The following CRAMP1 variants were observed in gnomAD, a reference collection of about 807,000 sequenced individuals.
The protein encoded by CRAMP1 is cramped chromatin regulator 1, also known as protein cramped-like.
Under a neutral mutation model 115.4 loss-of-function variants are expected in CRAMP1, and 50 were observed. The observed-to-expected ratio is 0.43, with a 90% CI of 0.35 to 0.55. The LOEUF (loss-of-function observed/expected upper bound fraction) is 0.55. Among genes scored for constraint, CRAMP1 ranks in the 20% least tolerant of loss-of-function variants. The pLI is 0.01. For missense variants in CRAMP1, 1,679 were observed against 1,721.7 expected (o/e 0.98, Z 0.44); for synonymous variants, 866 against 745.4 (o/e 1.16, Z -2.64).
Position 1,665,120 on chromosome 16 carries a change from T to TC in CRAMP1, c.2735dup (p.Asn913Ter). The TC allele has an allele frequency of 6.2e-7, 1 of 1,611,838 alleles. No individual in the cohort carries two copies. Among genetic ancestry groups the TC allele is most frequent in the Non-Finnish European group, 8.5e-7 (1 of 1,177,904 alleles). The stretch of plus-strand genomic sequence containing the variant: ...CAACGTTTGTTCCTTCTCCATCCTG[T>TC]CTAACTCTTCCGTAACTGGTAAGGA... On this transcript the variant is annotated frameshift_variant, in exon 14 of 21. Transcript: ENST00000397412. LOFTEE classifies it high-confidence loss of function.
Position 1,656,665 on chromosome 16 carries a change from T to C in CRAMP1, c.1908T>C (p.Pro636=), listed in dbSNP as rs1212144965. Residue 636 remains proline (P), a synonymous_variant, in exon 10 of 21, where the codon CCT becomes CCC. Coordinates refer to ENST00000397412, the MANE Select transcript of CRAMP1 (RefSeq NM_020825.4). The surrounding 1 kb of genome is among the most constrained non-coding windows in gnomAD (Gnocchi z 5.6). Reference sequence around the variant, plus strand: ...GCACTAAAGACTTGGCAGATGCACCTGCGGAGGAGCTCCAGGAGAAGGGGA... The same window carrying C: ...GCACTAAAGACTTGGCAGATGCACCCGCGGAGGAGCTCCAGGAGAAGGGGA... ...DVCTKDLADA[P]AEELQEKGSP... The C allele has an allele frequency of 3.2e-6, 5 of 1,573,650 alleles. No homozygotes were observed. The highest frequency in any genetic ancestry group is 4.3e-6 in the Non-Finnish European group (5 of 1,160,840).
rs2036403100 is a variant in CRAMP1, at chr16:1,614,822, G to A, written c.183G>A (p.Ala61=). The A allele has an allele frequency of 1.6e-6, 2 of 1,267,490 alleles. No homozygotes were observed. Among genetic ancestry groups the A allele is most frequent in the East Asian group, 3.1e-5 (1 of 31,808 alleles). The allele number at this position is 1,267,490 out of a possible 1,614,324, so 78.5% of individuals were successfully genotyped here. ...GGGCCGGCGCCGACGGCCCCCCCGC[G>A]CCCCCCGGCGCGCCGCAGGCGCCGT... ...TPRAGADGPP[A]PPGAPQAPSP... The change falls in exon 2 of 21, where the codon GCG becomes GCA. Residue 61 remains alanine (A), a synonymous_variant. Coordinates refer to ENST00000397412, the MANE Select transcript of CRAMP1 (RefSeq NM_020825.4). The surrounding 1 kb of genome is among the most constrained non-coding windows in gnomAD (Gnocchi z 4.4).
intron 4 of CRAMP1, among the ~76,000 whole-genome samples, chr16:1,636,339 C>G (rs2036588501): frequency 6.6e-6 from 1 of 151,870 alleles, no homozygotes; most frequent in Non-Finnish European, 1.5e-5. Flanking sequence ...TCACCGCACT[C>G]CAGCCTGGGC....
At position 1,677,194 on chromosome 16, in the gene CRAMP1, G is replaced by A. The variant is rs1383482982; in HGVS notation, c.*3149G>A. The A allele has an allele frequency of 1.3e-5, 2 of 152,576 alleles. No homozygotes were observed. The highest frequency in any genetic ancestry group is 2.1e-4 in the South Asian group (1 of 4,836). 9.5% of individuals were successfully genotyped at this position (152,576 alleles called of 1,614,324 possible). On this transcript the variant is annotated 3_prime_UTR_variant, in exon 21 of 21. Coordinates refer to ENST00000397412, the MANE Select transcript of CRAMP1 (RefSeq NM_020825.4). The stretch of plus-strand genomic sequence containing the variant: ...GCAGTGGCTCACGCCTGTAATCCCA[G>A]CACTTTGGGAGGCCGAGGCGGGCGG...
Position 1,653,888 on chromosome 16 carries a change from T to G in CRAMP1, c.1037+732T>G, listed in dbSNP as rs1596492922. ...TGGGTGTGGAGGCTCACGCCTGTAA[T>G]CCCAGCACTTTGGGAGGCCAAGGCA... On this transcript the variant is annotated intron_variant, in intron 8 of 20. Coordinates refer to ENST00000397412, the MANE Select transcript of CRAMP1 (RefSeq NM_020825.4). Among the ~76,000 whole-genome samples the G allele has an allele frequency of 2.7e-5, 4 of 150,128 alleles. No individual in the cohort carries two copies. In the South Asian group the frequency reaches 6.4e-4, roughly 24 times the overall value.
At position 1,656,544 on chromosome 16, in the gene CRAMP1, C is replaced by T. The variant is rs545390375; in HGVS notation, c.1787C>T (p.Ser596Phe). 5.1e-6 allele frequency: 8 copies of T among 1,557,640 alleles called. No homozygotes were observed. The Admixed American group carries it at 7.7e-5, about 15-fold the overall frequency. The part of the protein sequence containing the change: ...SEQPPLGGAA[S>F]PEVLAPVSKE... ...CAGCCCCCTCTGGGCGGGGCGGCCT[C>T]CCCAGAGGTGCTGGCTCCTGTCAGC... The change falls in exon 10 of 21, where the codon TCC (serine) becomes TTC (phenylalanine). Residue 596 changes from serine to phenylalanine, a missense_variant. Coordinates refer to ENST00000397412, the MANE Select transcript of CRAMP1 (RefSeq NM_020825.4). This position sits in a 1 kb window ranked among gnomAD's most constrained non-coding sequence, Gnocchi z 5.6.
At chr16:1,616,533 A>G (rs903778837) in intron 2 of CRAMP1, among the ~76,000 whole-genome samples, 2 of 152,176 alleles carry the variant, frequency 1.3e-5, no homozygotes, top group Admixed American at 1.3e-4. Context: ...GTATAAGTGA[A>G]GTGCTGCTGA....
At chr16:1,613,494 C>T (rs1156829508) in intron 1 of CRAMP1, among the ~76,000 whole-genome samples, 1 of 152,200 alleles carries the variant, frequency 6.6e-6, no homozygotes, top group African/African-American at 2.4e-5. Context: ...AACGCAGGGT[C>T]AGTATCTGCT....
chr16:1,650,292 C>T lies in CRAMP1; in HGVS notation c.828-2204C>T, dbSNP rs958670231. 2.6e-5 allele frequency among the ~76,000 whole-genome samples: 4 copies of T among 152,328 alleles called. No homozygotes were observed. In the East Asian group the frequency reaches 5.8e-4, roughly 22 times the overall value. ...GTCTGAGGTTGCCAGAACTGGCTGT[C>T]TCCATTAGACGCCCTCAGCAGAGGC... is the stretch of plus-strand genomic sequence containing the variant. On this transcript the variant is annotated intron_variant, in intron 6 of 20. Coordinates refer to ENST00000397412, the MANE Select transcript of CRAMP1 (RefSeq NM_020825.4).
intron 18 of CRAMP1, 134 bp downstream of exon 18, chr16:1,668,327 T>G: frequency 1.4e-6 from 1 of 713,998 alleles, no homozygotes; most frequent in South Asian, 1.7e-5. Flanking sequence ...TACAAGGTGC[T>G]GCCTGTCTCC....
At chr16:1,652,669 C>T in intron 7 of CRAMP1, 88 bp downstream of exon 7, 1 of 1,218,234 alleles carries the variant, frequency 8.2e-7, no homozygotes. Flanking sequence ...GGGTTGCTGC[C>T]ACAGTTGCTT....
chr16:1,620,775 G>A, intron 2 of CRAMP1: 1 of 446,446 alleles, frequency 2.2e-6, no homozygotes, highest in South Asian at 1.6e-5. Flanking sequence ...TGATCCTCCA[G>A]CTCTGTGACA....
Position 1,614,334 on chromosome 16 carries a change from G to GGCCGGC in CRAMP1, c.-1-300_-1-299insCGCCGG. Among the ~76,000 whole-genome samples, 1 of 145,870 alleles carries GGCCGGC rather than the reference G, an allele frequency of 6.9e-6. No individual in the cohort carries two copies. The highest frequency in any genetic ancestry group is 2.0e-4 in the East Asian group (1 of 4,968). On this transcript the variant is annotated intron_variant, in intron 1 of 20. Coordinates refer to ENST00000397412, the MANE Select transcript of CRAMP1 (RefSeq NM_020825.4). The surrounding 1 kb of genome is among the most constrained non-coding windows in gnomAD (Gnocchi z 4.4). ...ACCCCGGGGCCGGGGCCGGGGCCGG[G>GGCCGGC]GCCGGGCAGGGTCCGCCGAGCTGTC... is the stretch of plus-strand genomic sequence containing the variant.
rs564332879 is a variant in CRAMP1 at position 1,671,176 on chromosome 16, G to A, written c.3645+367G>A. Among the ~76,000 whole-genome samples the A allele has an allele frequency of 6.6e-6, 1 of 152,244 alleles. No individual in the cohort carries two copies. The highest frequency in any genetic ancestry group is 2.1e-4 in the South Asian group (1 of 4,818). On this transcript the variant is annotated intron_variant, in intron 20 of 20. Transcript: ENST00000397412. This position sits in a 1 kb window ranked among gnomAD's most constrained non-coding sequence, Gnocchi z 5.0. ...GGTGCGGGGAGTGTTGTGGAGGGAGGAGTAAGGGGTGGTGGCAGCAGTTGT... is the reference window on the plus strand; with the variant it reads ...GGTGCGGGGAGTGTTGTGGAGGGAGAAGTAAGGGGTGGTGGCAGCAGTTGT...
In CRAMP1 at chr16:1,672,617, C is replaced by T. The variant is rs569182178; in HGVS notation, c.3646-1264C>T. Among the ~76,000 whole-genome samples the T allele has an allele frequency of 3.0e-4, 46 of 152,188 alleles. No individual in the cohort carries two copies. Among genetic ancestry groups the T allele is most frequent in the Non-Finnish European group, 6.0e-4 (41 of 68,042 alleles). On this transcript the variant is annotated intron_variant, in intron 20 of 20. Coordinates refer to ENST00000397412, the MANE Select transcript of CRAMP1 (RefSeq NM_020825.4). The surrounding 1 kb of genome is among the most constrained non-coding windows in gnomAD (Gnocchi z 4.9). ...TAATCAAAGCATAAAATTTCATTTA[C>T]GCCATAGCTCTATTCAGAATTTTCC...
At position 1,614,509 on chromosome 16, in the gene CRAMP1, G is replaced by GCGGGC. The variant is rs1252378025; in HGVS notation, c.-1-122_-1-118dup. 6 of 374,166 alleles carry GCGGGC rather than the reference G, an allele frequency of 1.6e-5. No individual in the cohort carries two copies. The highest frequency in any genetic ancestry group is 1.1e-4 in the South Asian group (1 of 9,146). The allele number at this position is 374,166 out of a possible 1,614,324, so 23.2% of individuals were successfully genotyped here. ...CCGCGGCGGGCTCGGGCGGGCTCGG[G>GCGGGC]CGGGCCGGGCCGAGCCGCCGAGAGG... is the stretch of plus-strand genomic sequence containing the variant. On this transcript the variant is annotated intron_variant, in intron 1 of 20. Coordinates refer to ENST00000397412, the MANE Select transcript of CRAMP1 (RefSeq NM_020825.4). This position sits in a 1 kb window ranked among gnomAD's most constrained non-coding sequence, Gnocchi z 4.4.
At position 1,632,173 on chromosome 16, in the gene CRAMP1, T is replaced by A. The variant is rs909075480; in HGVS notation, c.541-39T>A. 8 of 1,542,726 alleles carry A rather than the reference T, an allele frequency of 5.2e-6. No homozygotes were observed. The Admixed American group carries it at 1.4e-4, about 27-fold the overall frequency. ...CAGTTAACACAGAAAGCTGCATTGT[T>A]TTAACCCCTCTACATTTATCATGGA... is the stretch of plus-strand genomic sequence containing the variant. On this transcript the variant is annotated intron_variant, in intron 3 of 20. Transcript: ENST00000397412.
chr16:1,646,989 C>A, intron 6 of CRAMP1: 1 of 702,168 alleles, frequency 1.4e-6, no homozygotes, highest in South Asian at 1.5e-5. Flanking sequence ...TCTGTTCTGT[C>A]AACTTTTGTG....
At position 1,662,498 on chromosome 16, in the gene CRAMP1, A is replaced by C. The variant is rs1431627538; in HGVS notation, c.2422A>C (p.Asn808His). 1 of 1,613,666 alleles carries C rather than the reference A, an allele frequency of 6.2e-7. No individual in the cohort carries two copies. Among genetic ancestry groups the C allele is most frequent in the Admixed American group, 1.7e-5 (1 of 60,022 alleles). ...SSAPCSSGLR[N>H]PPRPLLVPGP... The stretch of plus-strand genomic sequence containing the variant: ...CTCCTCTCCTCTCCCAGGTTTGAGA[A>C]ACCCTCCAAGACCCCTCTTGGTGCC... The change falls in exon 12 of 21, where the codon AAC becomes CAC. Residue 808 changes from asparagine (N) to histidine (H), a missense_variant. This residue lies in a region of CRAMP1 where 709 missense variants were observed against 741.9 expected (regional missense o/e 0.96). Coordinates refer to ENST00000397412, the MANE Select transcript of CRAMP1 (RefSeq NM_020825.4).
Sources: gnomAD v4.1 joint callset for allele counts (sites outside exome capture counted in the v4.1 genomes callset) on GRCh38, gnomAD v4.1.1 for gene constraint, gnomAD v4.1.1 regional missense constraint, Gnocchi (gnomAD v3.1) non-coding constraint, MANE v1.5 for transcripts, NCBI Gene and HGNC (gene_info 2026-07-23, HGNC 2026-07-21) for gene names.